Variants in MYO15B observed in about 807,000 individuals in gnomAD.
MYO15B encodes the protein myosin XVB.
MYO15B carries 207 observed loss-of-function variants against 119.3 expected under a neutral mutation model. That is an observed-to-expected ratio of 1.73 (90% CI 1.55 to 1.95). The LOEUF (loss-of-function observed/expected upper bound fraction) is 1.95, where lower values mean the gene tolerates loss of function less well. Among genes scored for constraint, MYO15B ranks in the 30% most tolerant of loss-of-function variants. The pLI, the probability that MYO15B is intolerant of heterozygous loss-of-function variation, is 0.00. For missense variants in MYO15B, 2,264 were observed against 1,203.1 expected (o/e 1.88, Z -13.04); for synonymous variants, 966 against 498.9 (o/e 1.94, Z -12.48).
intron 60 of MYO15B, 138 bp from the exon 61 acceptor site, chr17:75,625,389 G>GT: frequency 1.5e-6 from 1 of 649,602 alleles, no homozygotes. Flanking sequence ...AGCTCCTCTG[G>GT]TGCAGGACCC....
exon 44 of MYO15B, chr17:75,619,157 C>G (rs948588286): frequency 1.1e-5 from 8 of 702,818 alleles, no homozygotes; most frequent in African/African-American, 7.0e-5. Flanking sequence ...TACGGGACAC[C>G]TTCTCCGAGT....
At chr17:75,605,547 C>T (rs1247795493) in exon 20 of MYO15B, 24 of 702,642 alleles carry the variant, frequency 3.4e-5, no homozygotes, top group African/African-American at 1.0e-4. Flanking sequence ...CCTCTCTGAC[C>T]GGGAGAAGTG....
rs1344472576 is a variant in MYO15B at position 75,589,538 on chromosome 17, G to A, written c.1481G>A (p.Arg494Gln). The change falls in exon 1 of 64, where the codon CGG (arginine) becomes CAG (glutamine). Residue 494 changes from arginine (R) to glutamine (Q), a missense_variant. Physicochemically the swap from Arg to Gln is conservative, Grantham distance 43 (BLOSUM62 1). Coordinates refer to ENST00000645453, the Ensembl canonical transcript of MYO15B. The surrounding 1 kb of genome is among the most constrained non-coding windows in gnomAD (Gnocchi z 4.2). ...GGGTGGGGCCGTGAGCCCGGGCTGCGGCACCGTCTAGCGTTGCGCCTGGCT... is the reference window on the plus strand; with the variant it reads ...GGGTGGGGCCGTGAGCCCGGGCTGCAGCACCGTCTAGCGTTGCGCCTGGCT... 7.5e-6 allele frequency: 3 copies of A among 398,578 alleles called. No individual in the cohort carries two copies. Among genetic ancestry groups the A allele is most frequent in the Non-Finnish European group, 1.3e-5 (3 of 226,114 alleles). The allele number at this position is 398,578 out of a possible 1,614,324, so 24.7% of individuals were successfully genotyped here. A position where few individuals can be genotyped will look rare whatever the true frequency, so the allele number is the denominator to read the frequency against.
exon 24 of MYO15B, chr17:75,611,607 G>A: frequency 1.4e-6 from 1 of 702,788 alleles, no homozygotes; most frequent in Non-Finnish European, 2.6e-6. Context: ...CCAGGAGCTG[G>A]GGCGCTTGGA....
At chr17:75,604,708 G>A (rs1568155048) in intron 19 of MYO15B, among the ~76,000 whole-genome samples, 1 of 151,714 alleles carries the variant, frequency 6.6e-6, no homozygotes, top group South Asian at 2.1e-4. Flanking sequence ...GAGCTCCAGC[G>A]CAGAGACCCT....
exon 27 of MYO15B, chr17:75,612,990 G>T (rs986952683): frequency 2.0e-5 from 14 of 692,336 alleles, no homozygotes; most frequent in Non-Finnish European, 3.5e-5. Flanking sequence ...CGGCTCCTGG[G>T]GGACGGATCC....
intron 14 of MYO15B, 90 bp downstream of exon 14, chr17:75,596,989 G>C (rs944407508): frequency 1.6e-6 from 1 of 619,090 alleles, no homozygotes; most frequent in African/African-American, 1.8e-5. Flanking sequence ...GCCTCCCAGA[G>C]GGGACAAGGT....
exon 27 of MYO15B, chr17:75,613,048 G>C: frequency 2.9e-6 from 2 of 700,954 alleles, no homozygotes; most frequent in Non-Finnish European, 5.2e-6. Context: ...TGGTGCGGCA[G>C]GGGCAGTGCC....
At chr17:75,606,643 T>G (rs2147911439) in intron 21 of MYO15B, among the ~76,000 whole-genome samples, 1 of 152,246 alleles carries the variant, frequency 6.6e-6, no homozygotes, top group South Asian at 2.1e-4. Context: ...CTGGCTAATT[T>G]TGTATTTTTA....
chr17:75,591,468 A>G (rs1028616228), intron 4 of MYO15B, 133 bp from the exon 5 acceptor site: 12 of 643,806 alleles, frequency 1.9e-5, no homozygotes, highest in Non-Finnish European at 3.4e-5. Flanking sequence ...ATGCCCTGGG[A>G]CTATCTTTCC....
At chr17:75,618,750 G>A (rs573964480) in intron 43 of MYO15B, among the ~76,000 whole-genome samples, 7 of 151,692 alleles carry the variant, frequency 4.6e-5, no homozygotes, top group African/African-American at 1.7e-4. Flanking sequence ...CACACAGTAG[G>A]TACTTAATAA....
At chr17:75,614,738 C>T (rs755471543) in intron 31 of MYO15B, 35 bp from the exon 32 acceptor site, 21 of 702,578 alleles carry the variant, frequency 3.0e-5, no homozygotes, top group East Asian at 8.0e-5. Flanking sequence ...CCCCACGCCC[C>T]GGGCCATGGC....
At chr17:75,614,501 C>G (rs2058239363) in intron 30 of MYO15B, 82 bp from the exon 31 acceptor site, 1 of 677,506 alleles carries the variant, frequency 1.5e-6, no homozygotes, top group South Asian at 1.6e-5. Context: ...GGGGTGACCC[C>G]CGCAGCAGCT....
chr17:75,622,179 C>G (rs781161721), intron 53 of MYO15B, 99 bp downstream of exon 53: 4 of 677,396 alleles, frequency 5.9e-6, no homozygotes, highest in Admixed American at 2.1e-5. Context: ...CAAATCATTC[C>G]AAAGTATTTA....
chr17:75,590,011 G>A (rs1473967393), exon 1 of MYO15B: 3 of 398,672 alleles, frequency 7.5e-6, no homozygotes, highest in African/African-American at 4.1e-5. Context: ...GCTTGGCGCC[G>A]CCGTGCTGCT....
At chr17:75,605,935 C>T (rs188006777) in exon 21 of MYO15B, 33 of 702,682 alleles carry the variant, frequency 4.7e-5, no homozygotes, top group African/African-American at 3.5e-4. Flanking sequence ...AGGCCCTGGT[C>T]GACCTGCACC....
intron 43 of MYO15B, 124 bp downstream of exon 43, chr17:75,618,309 A>G (rs1490865662): frequency 3.1e-6 from 2 of 653,690 alleles, no homozygotes; most frequent in Non-Finnish European, 5.6e-6. Context: ...ACTGGGGGGC[A>G]CTTCTGTGTG....
At position 75,626,292 on chromosome 17, in the gene MYO15B, G is replaced by A. The variant is rs977761017; in HGVS notation, c.9213+64G>A. The A allele has an allele frequency of 2.6e-5, 18 of 698,776 alleles. No homozygotes were observed. The East Asian group carries it at 4.6e-4, about 18-fold the overall frequency. The allele number at this position is 698,776 out of a possible 1,614,324, so 43.3% of individuals were successfully genotyped here. ...TGTGAGGGCCTTGCCCCAGCATGGC[G>A]TGCAGTGGGAGCCCAGGCCCAGGCC... On this transcript the variant is annotated intron_variant, in intron 63 of 63. Coordinates refer to ENST00000645453, the Ensembl canonical transcript of MYO15B.
exon 64 of MYO15B, chr17:75,626,488 G>C (rs2059077637): frequency 1.4e-6 from 1 of 703,078 alleles, no homozygotes; most frequent in African/African-American, 1.7e-5. Context: ...CAACTGAGAG[G>C]AGTGCAGGCC....
Sources: allele counts gnomAD v4.1 joint callset (sites outside exome capture counted in the v4.1 genomes callset), GRCh38; gene constraint gnomAD v4.1.1; non-coding constraint Gnocchi (gnomAD v3.1); transcripts MANE v1.5; gene names NCBI Gene and HGNC (gene_info 2026-07-23, HGNC 2026-07-21).